The following LRFN5 variants were observed in gnomAD, a reference collection of about 807,000 sequenced individuals.
LRFN5 encodes leucine rich repeat and fibronectin type III domain containing 5.
A neutral mutation model predicts 45.6 loss-of-function variants in LRFN5; 24 were observed. The observed-to-expected ratio is 0.53, with a 90% confidence interval of 0.38 to 0.74. LRFN5 has a LOEUF of 0.74. Ranked by LOEUF, LRFN5 falls within the 30% of genes least tolerant of loss-of-function variation. The pLI is 0.00. For missense variants in LRFN5, 776 were observed against 861.5 expected (o/e 0.90, Z 1.24); for synonymous variants, 340 against 313.8 (o/e 1.08, Z -0.88).
At position 41,823,073 on chromosome 14, in the gene LRFN5, C is replaced by CT. The variant is rs985609317; in HGVS notation, c.-21+56050dup. 2.2e-4 allele frequency among the ~76,000 whole-genome samples: 34 copies of CT among 151,380 alleles called. No homozygotes were observed. In the East Asian group the frequency reaches 5.2e-3, roughly 23 times the overall value. ...TCTTGTAAGCAGCATATGGTTGAAT[C>CT]TTTTTTAAAAAAAAATCCATTCTGC... On this transcript the variant is annotated intron_variant, in intron 2 of 5. Coordinates refer to ENST00000298119, the MANE Select transcript of LRFN5 (RefSeq NM_152447.5).
intron 1 of LRFN5, among the ~76,000 whole-genome samples, chr14:41,652,632 G>T (rs1386463253): frequency 6.6e-6 from 1 of 152,098 alleles, no homozygotes; most frequent in Admixed American, 6.6e-5. Flanking sequence ...CAGATGAGCT[G>T]GGAGTTCTGA....
chr14:41,877,850 G>C (rs1275523020), intron 2 of LRFN5, among the ~76,000 whole-genome samples: 1 of 152,104 alleles, frequency 6.6e-6, no homozygotes, highest in Non-Finnish European at 1.5e-5. Flanking sequence ...TGTTGCAGTT[G>C]CTAAACACAT....
chr14:41,813,994 C>T (rs543842794), intron 2 of LRFN5, among the ~76,000 whole-genome samples: 29 of 152,228 alleles, frequency 1.9e-4, no homozygotes, highest in South Asian at 6.2e-4. Flanking sequence ...CCTTTGCCCG[C>T]TTTTTGATGG....
chr14:41,661,692 A>C (rs1193698707), intron 1 of LRFN5, among the ~76,000 whole-genome samples: 1 of 151,952 alleles, frequency 6.6e-6, no homozygotes, highest in Non-Finnish European at 1.5e-5. Flanking sequence ...CAGAGAGAGG[A>C]GCCTCCAGTA....
At chr14:41,639,949 A>ATTTTTTTTTTT (rs34020254) in intron 1 of LRFN5, among the ~76,000 whole-genome samples, 4 of 68,036 alleles carry the variant, frequency 5.9e-5, no homozygotes, top group Non-Finnish European at 8.0e-5. Context: ...TGACTGGCTA[A>ATTTTTTTTTTT]TTTTTTTTTT....
chr14:41,724,797 T>C (rs1004386042), intron 1 of LRFN5, among the ~76,000 whole-genome samples: 5 of 152,204 alleles, frequency 3.3e-5, no homozygotes, highest in Admixed American at 1.3e-4. Flanking sequence ...ATGAGAATCA[T>C]GTCAGTTCTT....
Position 41,891,434 on chromosome 14 carries a change from T to G in LRFN5, c.1570T>G (p.Phe524Val). 4 of 1,613,008 alleles carry G rather than the reference T, an allele frequency of 2.5e-6. No individual in the cohort carries two copies. The highest frequency in any genetic ancestry group is 3.4e-6 in the Non-Finnish European group (4 of 1,179,104). ...YVRCHFMQSQ[F>V]LGGTMIIIIG... ...GCGTTGCCATTTCATGCAGTCTCAGTTTTTGGGAGGCACCATGATTATTAT... is the reference window on the plus strand; with the variant it reads ...GCGTTGCCATTTCATGCAGTCTCAGGTTTTGGGAGGCACCATGATTATTAT... Residue 524 changes from phenylalanine to valine, a missense_variant, in exon 4 of 6, where the codon TTT (phenylalanine) becomes GTT (valine). Around this residue, in one of 2 missense-constraint regions of LRFN5, gnomAD observed 465 missense variants for 456.4 expected, o/e 1.02. Transcript: ENST00000298119.
At chr14:41,692,631 G>A (rs1481732602) in intron 1 of LRFN5, among the ~76,000 whole-genome samples, 1 of 151,970 alleles carries the variant, frequency 6.6e-6, no homozygotes, top group Non-Finnish European at 1.5e-5. Context: ...GGTTCTCATT[G>A]TTCAATTCCC....
At chr14:41,765,355 G>GAAAAAAAAAAAAAAAAGAAA (rs1885842772) in intron 1 of LRFN5, among the ~76,000 whole-genome samples, 1 of 124,888 alleles carries the variant, frequency 8.0e-6, no homozygotes. Flanking sequence ...AAAAAAGGAG[G>GAAAAAAAAAAAAAAAAGAAA]AAAAAAAAAA....
intron 1 of LRFN5, among the ~76,000 whole-genome samples, chr14:41,611,465 A>C (rs1887753440): frequency 6.6e-6 from 1 of 152,176 alleles, no homozygotes; most frequent in Admixed American, 6.5e-5. Context: ...CACTTCAGGT[A>C]TTGATAGGAA....
chr14:41,759,490 C>CAT lies in LRFN5; in HGVS notation c.-196-7363_-196-7362insTA, dbSNP rs1435400389. On this transcript the variant is annotated intron_variant, in intron 1 of 5. Transcript: ENST00000298119. ...ACACACACACACACACACACACACA[C>CAT]ACACACACAGAGAGAGCACCAGAAA... Among the ~76,000 whole-genome samples the CAT allele has an allele frequency of 5.4e-3, 441 of 82,286 alleles. 2 individuals carry two copies. Among genetic ancestry groups the CAT allele is most frequent in the Non-Finnish European group, 8.2e-3 (340 of 41,610 alleles). The allele number at this position is 82,286 out of a possible 152,430, so 54.0% of individuals were successfully genotyped here.
intron 2 of LRFN5, among the ~76,000 whole-genome samples, chr14:41,822,836 C>G (rs1179790789): frequency 1.5e-5 from 2 of 131,092 alleles, no homozygotes; most frequent in African/African-American, 3.0e-5. Flanking sequence ...GTATTGGTTG[C>G]ATATATATTT....
chr14:41,685,039 A>G (rs1882060205), intron 1 of LRFN5, among the ~76,000 whole-genome samples: 1 of 152,236 alleles, frequency 6.6e-6, no homozygotes, highest in Non-Finnish European at 1.5e-5. Context: ...GCAAACTGGT[A>G]TGTGAAAAGG....
intron 2 of LRFN5, among the ~76,000 whole-genome samples, chr14:41,798,211 C>T (rs1259224211): frequency 6.6e-6 from 1 of 151,886 alleles, no homozygotes; most frequent in Non-Finnish European, 1.5e-5. Context: ...TAGCCATCTT[C>T]AGATACTTTA....
intron 1 of LRFN5, among the ~76,000 whole-genome samples, chr14:41,738,223 C>G (rs1190251109): frequency 6.6e-6 from 1 of 152,098 alleles, no homozygotes; most frequent in Non-Finnish European, 1.5e-5. Flanking sequence ...TTTGACAAAC[C>G]TGACAAAAGT....
chr14:41,671,525 C>A (rs1881211344), intron 1 of LRFN5, among the ~76,000 whole-genome samples: 1 of 149,236 alleles, frequency 6.7e-6, no homozygotes, highest in Non-Finnish European at 1.5e-5. Context: ...TTAATTAAAT[C>A]TTAAAATATT....
At chr14:41,772,434 A>T (rs1886123695) in intron 2 of LRFN5, among the ~76,000 whole-genome samples, 1 of 152,234 alleles carries the variant, frequency 6.6e-6, no homozygotes, top group Admixed American at 6.5e-5. Flanking sequence ...TAAAGTCATC[A>T]ATAGGACAAA....
chr14:41,788,307 G>A (rs1462617644), intron 2 of LRFN5, among the ~76,000 whole-genome samples: 1 of 151,900 alleles, frequency 6.6e-6, no homozygotes, highest in Non-Finnish European at 1.5e-5. Flanking sequence ...TAATTCTTCT[G>A]CCACTTCAAT....
chr14:41,618,031 T>C (rs1887983331), intron 1 of LRFN5, among the ~76,000 whole-genome samples: 1 of 152,172 alleles, frequency 6.6e-6, no homozygotes. Flanking sequence ...TCCTGTTACC[T>C]CTTCCGTTTG....
Sources: allele counts gnomAD v4.1 joint callset (sites outside exome capture counted in the v4.1 genomes callset), GRCh38; gene constraint gnomAD v4.1.1; regional missense constraint gnomAD v4.1.1; transcripts MANE v1.5; gene names NCBI Gene and HGNC (gene_info 2026-07-23, HGNC 2026-07-21).